Variants in SIDT1 observed in about 807,000 individuals in gnomAD.
SIDT1 encodes the protein SID1 transmembrane family, member 1.
Under a neutral mutation model 107.5 loss-of-function variants are expected in SIDT1, and 101 were observed. The observed-to-expected ratio is 0.94, with a 90% CI of 0.80 to 1.11. The LOEUF is 1.11. Among genes scored for constraint, SIDT1 ranks in the 50% least tolerant of loss-of-function variants. SIDT1 has a pLI of 0.00. For missense variants in SIDT1, 1,076 were observed against 1,058.2 expected, an observed-to-expected ratio of 1.02 and a Z score of -0.23; for synonymous variants, 395 against 398.2, an observed-to-expected ratio of 0.99 and a Z score of 0.10.
intron 3 of SIDT1, among the ~76,000 whole-genome samples, chr3:113,576,270 C>A (rs1942890573): frequency 6.6e-6 from 1 of 151,930 alleles, no homozygotes. Context: ...GAGAAAAAAA[C>A]CTCATTATAT....
intron 1 of SIDT1, among the ~76,000 whole-genome samples, chr3:113,546,287 T>C (rs984920358): frequency 2.0e-5 from 3 of 152,204 alleles, no homozygotes; most frequent in Non-Finnish European, 4.4e-5. Context: ...ACAAGTAGAA[T>C]AAGCTTCTTG....
At chr3:113,599,212 A>G (rs571332468) in intron 10 of SIDT1, among the ~76,000 whole-genome samples, 14 of 152,372 alleles carry the variant, frequency 9.2e-5, no homozygotes, top group African/African-American at 3.1e-4. Flanking sequence ...AAGACCTACA[A>G]CATCATCTAG....
intron 6 of SIDT1, chr3:113,581,648 G>C (rs147089362): frequency 3.1e-5 from 16 of 518,852 alleles, no homozygotes; most frequent in Admixed American, 1.3e-4. Context: ...CAAGGCGAGC[G>C]GATCACCTAA....
Position 113,623,578 on chromosome 3 carries a change from C to A in SIDT1, c.2197-45C>A, listed in dbSNP as rs1345350205. On this transcript the variant is annotated intron_variant, in intron 22 of 24. Coordinates refer to ENST00000264852, the MANE Select transcript of SIDT1 (RefSeq NM_017699.3). ...CGGCTACCTCGGGCCCTCGGGCAGGCGAAGGCGGGGTCGCGTGAGGCCGCA... is the reference window on the plus strand; with the variant it reads ...CGGCTACCTCGGGCCCTCGGGCAGGAGAAGGCGGGGTCGCGTGAGGCCGCA... The A allele has an allele frequency of 4.4e-6, 7 of 1,601,058 alleles. 1 individual carries two copies. The Admixed American group carries it at 1.0e-4, about 23-fold the overall frequency.
At position 113,553,210 on chromosome 3, in the gene SIDT1, T is replaced by G. The variant is rs184269284; in HGVS notation, c.223-13210T>G. Among the ~76,000 whole-genome samples the G allele has an allele frequency of 2.0e-5, 3 of 152,306 alleles. No individual in the cohort carries two copies. In the East Asian group the frequency reaches 5.8e-4, roughly 29 times the overall value. ...CCTTCCCTGAAGTCCCTTCTGCTTGTCTCAAGAAGTTGTCTTTGAAGAGGA... is the reference window on the plus strand; with the variant it reads ...CCTTCCCTGAAGTCCCTTCTGCTTGGCTCAAGAAGTTGTCTTTGAAGAGGA... On this transcript the variant is annotated intron_variant, in intron 1 of 24. Transcript: ENST00000264852.
rs779546885 is a variant in SIDT1 at position 113,567,514 on chromosome 3, T to A, written c.345-26T>A. 1.3e-5 allele frequency: 20 copies of A among 1,573,322 alleles called. No individual in the cohort carries two copies. The East Asian group carries it at 4.2e-4, about 33-fold the overall frequency. ...AGTCCCTTTCTTGTCCTTGTTTATT[T>A]TTTTCCCCTATATTGGCTGCTTCAG... On this transcript the variant is annotated intron_variant, in intron 2 of 24. Transcript: ENST00000264852.
chr3:113,593,323 T>C (rs1255969417), intron 10 of SIDT1, among the ~76,000 whole-genome samples: 6 of 152,116 alleles, frequency 3.9e-5, no homozygotes, highest in African/African-American at 1.4e-4. Context: ...GGTGAGCAAG[T>C]ATTACCACCT....
At chr3:113,577,094 A>G in intron 4 of SIDT1, 127 bp downstream of exon 4, 2 of 855,066 alleles carry the variant, frequency 2.3e-6, no homozygotes, top group Non-Finnish European at 3.9e-6. Flanking sequence ...AACTTGAAGT[A>G]TATTTGTATT....
intron 6 of SIDT1, chr3:113,581,898 C>T (rs1408698077): frequency 6.4e-6 from 1 of 156,070 alleles, no homozygotes; most frequent in East Asian, 1.9e-4. Flanking sequence ...TGATGGTAGA[C>T]AATGCTACTC....
At chr3:113,574,421 A>G (rs867581187) in intron 3 of SIDT1, among the ~76,000 whole-genome samples, 7 of 152,176 alleles carry the variant, frequency 4.6e-5, no homozygotes, top group Admixed American at 2.0e-4. Context: ...TTCAACAAAC[A>G]AAGGAGGGGC....
chr3:113,616,693 A>ATTTT (rs33991386), intron 20 of SIDT1, among the ~76,000 whole-genome samples: 1 of 146,648 alleles, frequency 6.8e-6, no homozygotes. Flanking sequence ...ATAATAAAGA[A>ATTTT]TTTTTTTTTT....
intron 1 of SIDT1, among the ~76,000 whole-genome samples, chr3:113,535,690 G>T (rs187574641): frequency 3.9e-4 from 60 of 152,266 alleles, no homozygotes; most frequent in Non-Finnish European, 7.8e-4. Context: ...GAGATAACAA[G>T]AATTTCAATT....
intron 17 of SIDT1, among the ~76,000 whole-genome samples, chr3:113,609,237 AT>A (rs555377176): frequency 3.3e-5 from 5 of 150,396 alleles, no homozygotes; most frequent in African/African-American, 9.8e-5. Flanking sequence ...TAATTTTTGT[AT>A]TTTTTTTGGT....
intron 13 of SIDT1, among the ~76,000 whole-genome samples, chr3:113,604,335 T>A (rs1204223945): frequency 1.3e-5 from 2 of 152,152 alleles, no homozygotes; most frequent in Non-Finnish European, 2.9e-5. Context: ...CCCTTTTACT[T>A]GCATGCAGAT....
At chr3:113,586,001 T>C (rs1943716564) in intron 9 of SIDT1, among the ~76,000 whole-genome samples, 1 of 152,188 alleles carries the variant, frequency 6.6e-6, no homozygotes. Context: ...TTTCTCTTCT[T>C]GAACATGTAA....
chr3:113,535,656 C>T (rs1938067186), intron 1 of SIDT1, among the ~76,000 whole-genome samples: 1 of 152,138 alleles, frequency 6.6e-6, no homozygotes, highest in African/African-American at 2.4e-5. Flanking sequence ...CTGAGAAATA[C>T]AAAGTTGGGA....
At chr3:113,550,819 C>T (rs1378906491) in intron 1 of SIDT1, among the ~76,000 whole-genome samples, 6 of 151,890 alleles carry the variant, frequency 4.0e-5, no homozygotes, top group Non-Finnish European at 8.8e-5. Flanking sequence ...TGTCATGGGG[C>T]TTTGTTGTAC....
chr3:113,587,538 T>C (rs984150469), intron 9 of SIDT1, among the ~76,000 whole-genome samples: 5 of 152,202 alleles, frequency 3.3e-5, no homozygotes, highest in Non-Finnish European at 7.3e-5. Flanking sequence ...GATGTTTGTT[T>C]ACAAACTCCT....
intron 18 of SIDT1, 129 bp downstream of exon 18, chr3:113,611,273 GAC>G (rs1262322612): frequency 3.7e-6 from 4 of 1,090,530 alleles, no homozygotes; most frequent in Non-Finnish European, 5.2e-6. Flanking sequence ...TTCATCTCAT[GAC>G]ACAATTTCAT....
Sources: allele counts gnomAD v4.1 joint callset (sites outside exome capture counted in the v4.1 genomes callset), GRCh38; gene constraint gnomAD v4.1.1; transcripts MANE v1.5; gene names NCBI Gene and HGNC (gene_info 2026-07-23, HGNC 2026-07-21).